The following ADAMTS7 variants were observed in gnomAD, a reference collection of about 807,000 sequenced individuals.
The protein encoded by ADAMTS7 is A disintegrin and metalloproteinase with thrombospondin motifs 7.
A neutral mutation model predicts 172.6 loss-of-function variants in ADAMTS7; 89 were observed. The ratio of observed to expected loss-of-function variants is 0.52; its 90% CI spans 0.43 to 0.61. The LOEUF is 0.61. Among genes scored for constraint, ADAMTS7 ranks in the 20% least tolerant of loss-of-function variants. The pLI is 0.00. For missense variants in ADAMTS7, 1,973 were observed against 2,355.6 expected (o/e 0.84, Z 3.36); for synonymous variants, 885 against 978.4 (o/e 0.90, Z 1.78).
chr15:78,767,697 T>C (rs2055179941), intron 17 of ADAMTS7, 105 bp from the exon 18 acceptor site: 5 of 1,095,036 alleles, frequency 4.6e-6, no homozygotes, highest in Non-Finnish European at 5.1e-6. Context: ...GGCATTTGGG[T>C]AGAGCTGGGA....
At chr15:78,796,151 T>A (rs1285189388) in intron 4 of ADAMTS7, among the ~76,000 whole-genome samples, 1 of 152,210 alleles carries the variant, frequency 6.6e-6, no homozygotes, top group Non-Finnish European at 1.5e-5. Flanking sequence ...CTGTAATGTG[T>A]GCTGATGTCT....
Position 78,766,143 on chromosome 15 carries a change from G to A in ADAMTS7, c.3768C>T (p.Asp1256=), listed in dbSNP as rs574935773. 1.9e-4 allele frequency: 305 copies of A among 1,611,474 alleles called. 1 individual carries two copies. In the Middle Eastern group the frequency reaches 5.5e-3, roughly 29 times the overall value. Residue 1256 remains aspartate, a synonymous_variant, in exon 19 of 24, where the codon GAC becomes GAT. Coordinates refer to ENST00000388820, the MANE Select transcript of ADAMTS7 (RefSeq NM_014272.5). ...VGSTHSSPSP[D]VAELWTGGTV... ...TGCCTCCTGTCCACAGCTCCGCCAC[G>A]TCAGGACTAGGAGAGGAGTGGGTGC...
intron 19 of ADAMTS7, among the ~76,000 whole-genome samples, chr15:78,765,334 G>A (rs2055121426): frequency 6.6e-6 from 1 of 152,280 alleles, no homozygotes; most frequent in African/African-American, 2.4e-5. Context: ...CCTCAGGGAA[G>A]CTGCTGCCTG....
intron 17 of ADAMTS7, among the ~76,000 whole-genome samples, chr15:78,767,800 C>T (rs979675648): frequency 7.2e-5 from 11 of 152,054 alleles, no homozygotes; most frequent in Non-Finnish European, 1.0e-4. Context: ...TCCGCTCCTG[C>T]CAGCCTCCCC....
At chr15:78,780,387 C>T (rs1254301179) in intron 8 of ADAMTS7, among the ~76,000 whole-genome samples, 5 of 152,158 alleles carry the variant, frequency 3.3e-5, no homozygotes, top group Admixed American at 6.5e-5. Flanking sequence ...CTCCCCTGGC[C>T]ACCCCTGGCC....
chr15:78,786,287 C>T (rs2055501995), intron 8 of ADAMTS7, among the ~76,000 whole-genome samples: 1 of 152,166 alleles, frequency 6.6e-6, no homozygotes, highest in Non-Finnish European at 1.5e-5. Context: ...GCAGAGGAGA[C>T]ACAGGCAATG....
At chr15:78,800,023 T>C (rs2055697764) in intron 2 of ADAMTS7, among the ~76,000 whole-genome samples, 169 bp downstream of exon 2, 1 of 151,908 alleles carries the variant, frequency 6.6e-6, no homozygotes, top group Non-Finnish European at 1.5e-5. Context: ...ATCCTAGAGA[T>C]CAACGAGGCC....
intron 13 of ADAMTS7, among the ~76,000 whole-genome samples, 176 bp from the exon 14 acceptor site, chr15:78,773,379 T>C (rs1270075519): frequency 6.6e-6 from 1 of 151,134 alleles, no homozygotes; most frequent in African/African-American, 2.4e-5. Context: ...TCTACTTCCC[T>C]AAGCCTCAGT....
chr15:78,766,125 T>C lies in ADAMTS7; in HGVS notation c.3786A>G (p.Thr1262=). ...CTGGCTCCCAGGCCACTGTGCCTCC[T>C]GTCCACAGCTCCGCCACGTCAGGAC... ...SPSPDVAELW[T]GGTVAWEPAL... Residue 1262 remains threonine (T), a synonymous_variant, in exon 19 of 24, where the codon ACA becomes ACG. Coordinates refer to ENST00000388820, the MANE Select transcript of ADAMTS7 (RefSeq NM_014272.5). The C allele has an allele frequency of 6.2e-7, 1 of 1,611,266 alleles. No individual in the cohort carries two copies. Among genetic ancestry groups the C allele is most frequent in the Non-Finnish European group, 8.5e-7 (1 of 1,179,784 alleles).
chr15:78,794,402 A>G (rs917770157), intron 4 of ADAMTS7, among the ~76,000 whole-genome samples: 1 of 152,194 alleles, frequency 6.6e-6, no homozygotes, highest in Admixed American at 6.5e-5. Context: ...GGCTGGCCAT[A>G]TGGGTTCCCA....
intron 1 of ADAMTS7, among the ~76,000 whole-genome samples, chr15:78,809,126 C>T (rs1462153578): frequency 2.0e-5 from 3 of 152,150 alleles, no homozygotes; most frequent in Non-Finnish European, 4.4e-5. Context: ...ACAGAGTTCA[C>T]ATGTGCCATA....
At chr15:78,781,187 T>C (rs1248864445) in intron 8 of ADAMTS7, among the ~76,000 whole-genome samples, 1 of 152,166 alleles carries the variant, frequency 6.6e-6, no homozygotes, top group Non-Finnish European at 1.5e-5. Flanking sequence ...TGCCTGACTG[T>C]TTGGCACTTT....
rs764721937 is a variant in ADAMTS7, at chr15:78,763,793, T to C, written c.4646A>G (p.Glu1549Gly). ...GEQQRLVTCPEPGLCEEALRP... is the reference protein window; with the variant it reads ...GEQQRLVTCPGPGLCEEALRP... ...CAGCGCCTCCTCGCAGAGGCCTGGCTCCGGGCAGGTCACTAGACGCTGCTG... is the reference window on the plus strand; with the variant it reads ...CAGCGCCTCCTCGCAGAGGCCTGGCCCCGGGCAGGTCACTAGACGCTGCTG... Residue 1549 changes from glutamate (E) to glycine (G), a missense_variant, in exon 22 of 24, where the codon GAG becomes GGG. By Grantham distance (98) the Glu-to-Gly change is moderately conservative. Around this residue, in one of 8 missense-constraint regions of ADAMTS7, gnomAD observed 218 missense variants for 216.9 expected, o/e 1.01. Transcript: ENST00000388820. 2.5e-6 allele frequency: 4 copies of C among 1,586,882 alleles called. No individual in the cohort carries two copies. In the East Asian group the frequency reaches 9.1e-5, roughly 36 times the overall value.
At chr15:78,810,905 A>T in intron 1 of ADAMTS7, 1 of 395,884 alleles carries the variant, frequency 2.5e-6, no homozygotes, top group Non-Finnish European at 4.2e-6. Flanking sequence ...TAACTGAATC[A>T]GGGGCCGAGG....
rs140183786 is a variant in ADAMTS7, at chr15:78,800,832, G to C, written c.101-285C>G. Among the ~76,000 whole-genome samples the C allele has an allele frequency of 3.1e-3, 465 of 152,276 alleles. 2 individuals carry two copies. The highest frequency in any genetic ancestry group is 0.01 in the African/African-American group (433 of 41,558). ...TCTGTCGCCCAGGCTGGAGTGCGTG[G>C]CGCGATCTCGGCTCACTGCAACCTC... On this transcript the variant is annotated intron_variant, in intron 1 of 23. Coordinates refer to ENST00000388820, the MANE Select transcript of ADAMTS7 (RefSeq NM_014272.5).
intron 9 of ADAMTS7, chr15:78,777,054 G>A (rs967669978): frequency 1.4e-5 from 8 of 580,316 alleles, no homozygotes; most frequent in East Asian, 2.8e-5. Context: ...TGCTCAGAGC[G>A]GTCCCCAGCT....
chr15:78,771,891 G>A lies in ADAMTS7; in HGVS notation c.2132-62C>T, dbSNP rs1213413855. On this transcript the variant is annotated intron_variant, in intron 14 of 23. Coordinates refer to ENST00000388820, the MANE Select transcript of ADAMTS7 (RefSeq NM_014272.5). The surrounding 1 kb of genome is among the most constrained non-coding windows in gnomAD (Gnocchi z 4.9). Reference sequence around the variant, plus strand: ...GTGAGAGGGTTGCTTATCCCCACCCGCTCCCCTCATGTCTCTCCCCACTTG... The same window carrying A: ...GTGAGAGGGTTGCTTATCCCCACCCACTCCCCTCATGTCTCTCCCCACTTG... 19 of 1,565,378 alleles carry A rather than the reference G, an allele frequency of 1.2e-5. No homozygotes were observed. Among genetic ancestry groups the A allele is most frequent in the Middle Eastern group, 2.2e-4 (1 of 4,458 alleles).
chr15:78,791,688 C>T (rs2141511589), intron 4 of ADAMTS7, among the ~76,000 whole-genome samples: 1 of 152,366 alleles, frequency 6.6e-6, no homozygotes, highest in East Asian at 1.9e-4. Context: ...CCCAGGAGTG[C>T]ACCCTCCAAT....
At chr15:78,792,885 C>T (rs2055599423) in intron 4 of ADAMTS7, among the ~76,000 whole-genome samples, 1 of 152,048 alleles carries the variant, frequency 6.6e-6, no homozygotes, top group Admixed American at 6.6e-5. Context: ...AAAAAGGGAC[C>T]TGTCTTGCTA....
Sources: gnomAD v4.1 joint callset for allele counts (sites outside exome capture counted in the v4.1 genomes callset) on GRCh38, gnomAD v4.1.1 for gene constraint, gnomAD v4.1.1 regional missense constraint, Gnocchi (gnomAD v3.1) non-coding constraint, MANE v1.5 for transcripts, NCBI Gene and HGNC (gene_info 2026-07-23, HGNC 2026-07-21) for gene names.